LRRC4C: variants seen among roughly 807,000 people sequenced by gnomAD.
LRRC4C encodes leucine rich repeat containing 4C, also known as leucine-rich repeat-containing protein 4C.
A neutral mutation model predicts 33.6 loss-of-function variants in LRRC4C; 5 were observed. The observed-to-expected ratio is 0.15, with a 90% CI of 0.08 to 0.31. LRRC4C has a LOEUF of 0.31. Among genes scored for constraint, LRRC4C ranks in the 10% least tolerant of loss-of-function variants. The pLI is 1.00. For synonymous variants in LRRC4C, 329 were observed against 302.0 expected (o/e 1.09, Z -0.93); for missense variants, 560 against 796.7 (o/e 0.70, Z 3.58).
intron 3 of LRRC4C, among the ~76,000 whole-genome samples, chr11:40,462,427 G>C (rs1473031649): frequency 6.6e-6 from 1 of 151,996 alleles, no homozygotes; most frequent in Admixed American, 6.6e-5. Context: ...TTAATTTATA[G>C]AGAGTATGTA....
chr11:40,542,900 C>T (rs1956780437), intron 3 of LRRC4C, among the ~76,000 whole-genome samples: 1 of 152,092 alleles, frequency 6.6e-6, no homozygotes, highest in Admixed American at 6.6e-5. Context: ...TGAGTTAAGG[C>T]ATACATTTAA....
intron 3 of LRRC4C, among the ~76,000 whole-genome samples, chr11:40,431,901 G>A (rs1325804725): frequency 6.6e-6 from 1 of 152,166 alleles, no homozygotes; most frequent in African/African-American, 2.4e-5. Flanking sequence ...TCGCAGTACT[G>A]AAGATTTGCT....
chr11:41,051,815 T>G (rs1342694016), intron 1 of LRRC4C, among the ~76,000 whole-genome samples: 1 of 152,180 alleles, frequency 6.6e-6, no homozygotes, highest in Non-Finnish European at 1.5e-5. Context: ...GCCTCTTTTT[T>G]CTTCATCTTA....
chr11:40,560,882 T>C (rs1957521186), intron 3 of LRRC4C, among the ~76,000 whole-genome samples: 1 of 152,198 alleles, frequency 6.6e-6, no homozygotes, highest in South Asian at 2.1e-4. Flanking sequence ...TCAGTTACCT[T>C]ATTGGTTAAA....
intron 2 of LRRC4C, among the ~76,000 whole-genome samples, chr11:40,715,980 AGCC>A (rs1946687891): frequency 1.3e-5 from 2 of 152,116 alleles, no homozygotes; most frequent in Non-Finnish European, 2.9e-5. Flanking sequence ...AGTTGCACTG[AGCC>A]GAGATTGCAC....
chr11:40,349,574 G>A (rs1947293866), intron 3 of LRRC4C, among the ~76,000 whole-genome samples: 1 of 151,924 alleles, frequency 6.6e-6, no homozygotes, highest in Non-Finnish European at 1.5e-5. Flanking sequence ...TTCCTTTTGT[G>A]GAGCATATTT....
chr11:40,179,145 C>T (rs769661413), intron 5 of LRRC4C, among the ~76,000 whole-genome samples: 2 of 151,844 alleles, frequency 1.3e-5, no homozygotes, highest in East Asian at 1.9e-4. Context: ...GCTAGAACTG[C>T]GGGTGTGTGC....
At chr11:40,546,539 T>C (rs568238356) in intron 3 of LRRC4C, among the ~76,000 whole-genome samples, 82 of 152,162 alleles carry the variant, frequency 5.4e-4, no homozygotes, top group African/African-American at 1.9e-3. Context: ...ATTAATATCA[T>C]TGCCATTGAT....
chr11:41,241,782 A>G (rs545484785), intron 1 of LRRC4C, among the ~76,000 whole-genome samples: 1 of 152,142 alleles, frequency 6.6e-6, no homozygotes, highest in African/African-American at 2.4e-5. Flanking sequence ...CGACCGGTCT[A>G]TCTTTTGAAA....
intron 1 of LRRC4C, among the ~76,000 whole-genome samples, chr11:41,150,911 G>A (rs948174245): frequency 4.6e-5 from 7 of 152,058 alleles, no homozygotes; most frequent in Admixed American, 2.0e-4. Flanking sequence ...TACAGATGAT[G>A]GGAGAAAAAA....
At chr11:40,473,036 G>T (rs1316176367) in intron 3 of LRRC4C, among the ~76,000 whole-genome samples, 1 of 152,170 alleles carries the variant, frequency 6.6e-6, no homozygotes, top group African/African-American at 2.4e-5. Context: ...ACAAAGAGGA[G>T]CTGGTACCAT....
intron 3 of LRRC4C, among the ~76,000 whole-genome samples, chr11:40,433,888 T>C (rs1013623200): frequency 2.6e-5 from 4 of 152,240 alleles, no homozygotes; most frequent in African/African-American, 4.8e-5. Context: ...CTTTGTGAAA[T>C]TTCCAGTTGT....
intron 2 of LRRC4C, among the ~76,000 whole-genome samples, chr11:40,885,928 C>A (rs964353057): frequency 2.0e-5 from 3 of 152,024 alleles, no homozygotes; most frequent in Non-Finnish European, 4.4e-5. Flanking sequence ...CTGTAGAATG[C>A]AGAATGCATG....
chr11:40,927,103 C>T (rs561549614), intron 2 of LRRC4C, among the ~76,000 whole-genome samples: 13 of 152,252 alleles, frequency 8.5e-5, no homozygotes, highest in South Asian at 2.1e-4. Context: ...CAGTCAGGCA[C>T]GGTGGCTCAC....
At chr11:40,224,552 A>G (rs992790415) in intron 5 of LRRC4C, among the ~76,000 whole-genome samples, 2 of 152,240 alleles carry the variant, frequency 1.3e-5, no homozygotes, top group Admixed American at 1.3e-4. Context: ...TCTTAGTCTC[A>G]GTTCTTTTCC....
At chr11:41,207,116 A>T (rs1485463760) in intron 1 of LRRC4C, among the ~76,000 whole-genome samples, 1 of 152,172 alleles carries the variant, frequency 6.6e-6, no homozygotes, top group Non-Finnish European at 1.5e-5. Flanking sequence ...AAGGATCCAC[A>T]ACATTCTATG....
At chr11:41,316,271 A>AAG (rs952937503) in intron 1 of LRRC4C, among the ~76,000 whole-genome samples, 1 of 149,320 alleles carries the variant, frequency 6.7e-6, no homozygotes, top group East Asian at 2.0e-4. Context: ...GCAAAAAAAA[A>AAG]AAAAAAAACA....
At chr11:41,352,604 C>T (rs895873952) in intron 1 of LRRC4C, among the ~76,000 whole-genome samples, 9 of 152,014 alleles carry the variant, frequency 5.9e-5, no homozygotes, top group African/African-American at 1.2e-4. Flanking sequence ...ACTCTAAGAT[C>T]AAACACACTC....
At chr11:40,788,350 TAG>T (rs1234660624) in intron 2 of LRRC4C, among the ~76,000 whole-genome samples, 1 of 152,182 alleles carries the variant, frequency 6.6e-6, no homozygotes, top group Admixed American at 6.5e-5. Context: ...TCTGTCTTAG[TAG>T]ATCATCTGTA....
Sources: gnomAD v4.1 joint callset for allele counts (sites outside exome capture counted in the v4.1 genomes callset) on GRCh38, gnomAD v4.1.1 for gene constraint, MANE v1.5 for transcripts, NCBI Gene and HGNC (gene_info 2026-07-23, HGNC 2026-07-21) for gene names.